Variants in TSHZ2 observed in about 807,000 individuals in gnomAD.
The protein encoded by TSHZ2 is teashirt homolog 2.
A neutral mutation model predicts 74.4 loss-of-function variants in TSHZ2; 21 were observed. The ratio of observed to expected loss-of-function variants is 0.28; its 90% CI spans 0.20 to 0.41. The LOEUF (loss-of-function observed/expected upper bound fraction) is 0.41. TSHZ2 is among the 10% of genes least tolerant of loss of function. The probability of loss-of-function intolerance (pLI) is 1.00; values close to 1 mark genes in which losing one functional copy is unlikely to be tolerated. For missense variants in TSHZ2, 1,244 were observed against 1,293.5 expected (o/e 0.96, Z 0.59); for synonymous variants, 540 against 515.3 (o/e 1.05, Z -0.65).
chr20:53,456,996 C>T (rs1425295091), intron 2 of TSHZ2, among the ~76,000 whole-genome samples: 1 of 70,146 alleles, frequency 1.4e-5, no homozygotes, highest in Non-Finnish European at 2.6e-5. Flanking sequence ...TAGTGTGATG[C>T]CTCCAGCTTT....
intron 2 of TSHZ2, among the ~76,000 whole-genome samples, chr20:53,401,774 C>CTT (rs59656180): frequency 0.023 from 2,161 of 94,846 alleles, 65 homozygotes; most frequent in African/African-American, 0.05. Context: ...AACACATTTT[C>CTT]TTTTTTTTTT....
intron 2 of TSHZ2, among the ~76,000 whole-genome samples, chr20:53,358,471 C>T (rs930007000): frequency 3.3e-5 from 5 of 151,442 alleles, no homozygotes; most frequent in African/African-American, 9.7e-5. Context: ...CTCCCCAGTA[C>T]CTGGGACTAC....
chr20:53,033,299 G>A (rs1265318252), intron 1 of TSHZ2, among the ~76,000 whole-genome samples: 3 of 152,168 alleles, frequency 2.0e-5, no homozygotes, highest in Admixed American at 2.0e-4. Context: ...CATAAATTGG[G>A]TTGGCTGGGT....
rs547408949 is a variant in TSHZ2, at chr20:53,199,966, C to T, written c.41-53533C>T. On this transcript the variant is annotated intron_variant, in intron 1 of 2. Transcript: ENST00000371497. ...GACATAACACACATCCACGCGGTAC[C>T]TTGCAGCTATGGTTCTTGGAAGGGA... Among the ~76,000 whole-genome samples the T allele has an allele frequency of 5.3e-5, 8 of 152,274 alleles. No homozygotes were observed. In the South Asian group the frequency reaches 1.5e-3, roughly 28 times the overall value.
chr20:53,328,329 A>G (rs943140864), intron 2 of TSHZ2, among the ~76,000 whole-genome samples: 14 of 152,272 alleles, frequency 9.2e-5, no homozygotes, highest in African/African-American at 3.4e-4. Flanking sequence ...TCGTACATGC[A>G]GCACTGTGCA....
intron 1 of TSHZ2, among the ~76,000 whole-genome samples, chr20:52,998,185 G>A (rs1017645698): frequency 4.6e-5 from 7 of 151,752 alleles, no homozygotes; most frequent in Admixed American, 1.3e-4. Context: ...TCTTTTTTTG[G>A]GGGGACAGAG....
In TSHZ2 at chr20:52,972,698, G is replaced by A. The variant is rs1201480650; in HGVS notation, c.-596G>A. 6.5e-6 allele frequency: 1 copy of A among 154,742 alleles called. No individual in the cohort carries two copies. Among genetic ancestry groups the A allele is most frequent in the Non-Finnish European group, 1.4e-5 (1 of 69,948 alleles). The allele number at this position is 154,742 out of a possible 1,614,324, so 9.6% of individuals were successfully genotyped here. On this transcript the variant is annotated 5_prime_UTR_variant, in exon 1 of 3. Coordinates refer to ENST00000371497, the MANE Select transcript of TSHZ2 (RefSeq NM_173485.6). ...ACGAATCCGCCATAGAGATCGGCGA[G>A]GAGGAGGAGGAGGAGGAGGAAGAAA...
In TSHZ2 at chr20:53,085,847, C is replaced by T. The variant is rs756695881; in HGVS notation, c.40+112514C>T. On this transcript the variant is annotated intron_variant, in intron 1 of 2. Transcript: ENST00000371497. ...TCAAATTCCCCCTGAAGTAATCCCACGCAGGGCTCAGTGGTGGCGTTCAGG... is the reference window on the plus strand; with the variant it reads ...TCAAATTCCCCCTGAAGTAATCCCATGCAGGGCTCAGTGGTGGCGTTCAGG... Among the ~76,000 whole-genome samples, 16 of 152,318 alleles carry T rather than the reference C, an allele frequency of 1.1e-4. 1 individual carries two copies. The highest frequency in any genetic ancestry group is 4.1e-4 in the South Asian group (2 of 4,826).
chr20:53,043,800 C>A (rs1984130187), intron 1 of TSHZ2, among the ~76,000 whole-genome samples: 1 of 151,794 alleles, frequency 6.6e-6, no homozygotes, highest in Admixed American at 6.6e-5. Flanking sequence ...AAAACTGATA[C>A]CTGGGGAAGC....
chr20:53,104,672 G>A (rs925889569), intron 1 of TSHZ2, among the ~76,000 whole-genome samples: 7 of 152,162 alleles, frequency 4.6e-5, no homozygotes, highest in Non-Finnish European at 7.3e-5. Flanking sequence ...TTCTTTAATA[G>A]CAAACTGGTG....
intron 1 of TSHZ2, among the ~76,000 whole-genome samples, chr20:53,114,533 G>T (rs746241264): frequency 2.2e-4 from 34 of 152,192 alleles, no homozygotes; most frequent in Non-Finnish European, 4.1e-4. Context: ...TCTTTCCAGT[G>T]CAGTCTGGTC....
chr20:53,072,531 A>C (rs1471900863), intron 1 of TSHZ2, among the ~76,000 whole-genome samples: 4 of 152,124 alleles, frequency 2.6e-5, no homozygotes, highest in African/African-American at 9.7e-5. Flanking sequence ...CTCATTCCTC[A>C]TTGCAACATG....
At chr20:53,177,078 C>G (rs1273847150) in intron 1 of TSHZ2, among the ~76,000 whole-genome samples, 1 of 151,912 alleles carries the variant, frequency 6.6e-6, no homozygotes, top group Non-Finnish European at 1.5e-5. Flanking sequence ...AAATGGGAGT[C>G]TTAGTATGTT....
At chr20:53,144,146 A>G (rs1987480767) in intron 1 of TSHZ2, among the ~76,000 whole-genome samples, 1 of 152,168 alleles carries the variant, frequency 6.6e-6, no homozygotes, top group South Asian at 2.1e-4. Context: ...CACTGATCTT[A>G]GGTTTTACAA....
At chr20:53,344,208 CTCCTCATCATCA>C (rs747236047) in intron 2 of TSHZ2, among the ~76,000 whole-genome samples, 2 of 150,332 alleles carry the variant, frequency 1.3e-5, no homozygotes, top group Admixed American at 6.6e-5. Context: ...CACCCTCCTC[CTCCTCATCATCA>C]TCATCATCAT....
intron 2 of TSHZ2, among the ~76,000 whole-genome samples, chr20:53,260,381 T>C (rs1600774347): frequency 6.6e-6 from 1 of 152,190 alleles, no homozygotes; most frequent in African/African-American, 2.4e-5. Flanking sequence ...GCCTCACTCA[T>C]TCATTATGAC....
chr20:53,166,948 A>G (rs1190988956), intron 1 of TSHZ2, among the ~76,000 whole-genome samples: 1 of 152,222 alleles, frequency 6.6e-6, no homozygotes, highest in Non-Finnish European at 1.5e-5. Context: ...GTAATAGTGA[A>G]TGACTAAAAA....
chr20:53,146,329 GT>G (rs1987539255), intron 1 of TSHZ2, among the ~76,000 whole-genome samples: 1 of 152,122 alleles, frequency 6.6e-6, no homozygotes, highest in Non-Finnish European at 1.5e-5. Context: ...TTCTTGGACT[GT>G]TTTGGCATTG....
At chr20:53,363,707 G>A (rs985331790) in intron 2 of TSHZ2, among the ~76,000 whole-genome samples, 2 of 152,188 alleles carry the variant, frequency 1.3e-5, no homozygotes, top group African/African-American at 4.8e-5. Flanking sequence ...CAACTACTTG[G>A]GAGGCTGAGG....
Sources: allele counts gnomAD v4.1 joint callset (sites outside exome capture counted in the v4.1 genomes callset), GRCh38; gene constraint gnomAD v4.1.1; transcripts MANE v1.5; gene names NCBI Gene and HGNC (gene_info 2026-07-23, HGNC 2026-07-21).